The following ARMH4 variants were observed in gnomAD, a reference collection of about 807,000 sequenced individuals.
ARMH4 encodes armadillo like helical domain containing 4.
ARMH4 carries 49 observed loss-of-function variants against 61.9 expected under a neutral mutation model. That is an observed-to-expected ratio of 0.79 (90% CI 0.63 to 1.00). The LOEUF (loss-of-function observed/expected upper bound fraction) is 1.00. Among genes scored for constraint, ARMH4 ranks in the 50% least tolerant of loss-of-function variants. ARMH4 has a pLI of 0.00. For missense variants in ARMH4, 934 were observed against 930.0 expected (o/e 1.00, Z -0.06); for synonymous variants, 368 against 341.5 (o/e 1.08, Z -0.85).
At chr14:58,116,824 C>T (rs906367191) in intron 4 of ARMH4, among the ~76,000 whole-genome samples, 1 of 152,170 alleles carries the variant, frequency 6.6e-6, no homozygotes, top group African/African-American at 2.4e-5. Context: ...GCATTTACTG[C>T]CCACAACAAC....
chr14:58,134,482 G>T (rs1186281699), intron 2 of ARMH4, among the ~76,000 whole-genome samples: 7 of 152,080 alleles, frequency 4.6e-5, no homozygotes, highest in Non-Finnish European at 1.0e-4. Context: ...CTCTTATGAA[G>T]GGGCTATGCT....
chr14:58,014,891 A>T (rs1354529508), intron 5 of ARMH4, among the ~76,000 whole-genome samples: 1 of 152,142 alleles, frequency 6.6e-6, no homozygotes, highest in Non-Finnish European at 1.5e-5. Context: ...GCAATCAGGG[A>T]CTCAGTTGGG....
At chr14:58,009,843 GAT>G (rs1462442798) in intron 6 of ARMH4, among the ~76,000 whole-genome samples, 29 of 137,336 alleles carry the variant, frequency 2.1e-4, no homozygotes, top group Non-Finnish European at 4.1e-4. Context: ...GAGAGAGAGA[GAT>G]AACAAACTTC....
chr14:58,049,103 GTGGCGGGCACCTGT>G (rs1188777692), intron 5 of ARMH4, among the ~76,000 whole-genome samples: 1 of 151,982 alleles, frequency 6.6e-6, no homozygotes, highest in Non-Finnish European at 1.5e-5. Context: ...GCCAGGCGTG[GTGGCGGGCACCTGT>G]AGTCCCAGAT....
intron 5 of ARMH4, among the ~76,000 whole-genome samples, chr14:58,078,660 GT>G (rs1885125634): frequency 6.6e-6 from 1 of 152,222 alleles, no homozygotes; most frequent in Admixed American, 6.5e-5. Context: ...AATATTTTGG[GT>G]TTATGGATCA....
chr14:58,136,977 C>T (rs964514412), intron 2 of ARMH4, among the ~76,000 whole-genome samples: 1 of 151,994 alleles, frequency 6.6e-6, no homozygotes, highest in Non-Finnish European at 1.5e-5. Flanking sequence ...GCAGTACTTA[C>T]CTAAAGCTTT....
At chr14:58,145,757 AG>A (rs1274705731) in intron 1 of ARMH4, among the ~76,000 whole-genome samples, 3 of 152,240 alleles carry the variant, frequency 2.0e-5, no homozygotes, top group Non-Finnish European at 4.4e-5. Flanking sequence ...CCCTTTTCAA[AG>A]GCATTGATGA....
At chr14:58,127,290 G>C (rs955589839) in intron 4 of ARMH4, among the ~76,000 whole-genome samples, 9 of 152,142 alleles carry the variant, frequency 5.9e-5, no homozygotes, top group Non-Finnish European at 1.2e-4. Flanking sequence ...CCAGTGGGAG[G>C]TAACTGAATC....
intron 5 of ARMH4, among the ~76,000 whole-genome samples, chr14:58,021,018 A>AG (rs1402463439): frequency 6.6e-6 from 1 of 152,322 alleles, no homozygotes; most frequent in Middle Eastern, 3.4e-3. Flanking sequence ...CCGAAGGCAG[A>AG]GGGAAAAAAA....
chr14:58,118,421 G>A (rs149585946), intron 4 of ARMH4, among the ~76,000 whole-genome samples: 18 of 150,676 alleles, frequency 1.2e-4, no homozygotes, highest in African/African-American at 3.2e-4. Flanking sequence ...CAGACAGTAC[G>A]TATGCAGGGG....
intron 4 of ARMH4, among the ~76,000 whole-genome samples, chr14:58,111,294 T>C (rs1275360944): frequency 6.6e-6 from 1 of 152,136 alleles, no homozygotes; most frequent in African/African-American, 2.4e-5. Flanking sequence ...TTCAATATAG[T>C]AACTCCTTAA....
intron 5 of ARMH4, among the ~76,000 whole-genome samples, chr14:58,058,989 TAGAA>T (rs1204388752): frequency 1.3e-5 from 2 of 152,122 alleles, no homozygotes; most frequent in Admixed American, 1.3e-4. Context: ...GTCCACAGAA[TAGAA>T]AGAGAGATGT....
intron 5 of ARMH4, among the ~76,000 whole-genome samples, chr14:58,053,176 C>T (rs887436293): frequency 2.6e-5 from 4 of 152,204 alleles, no homozygotes; most frequent in Non-Finnish European, 5.9e-5. Context: ...CTTCTTCACT[C>T]CACTTCCACT....
At chr14:58,042,772 G>A (rs9671615) in intron 5 of ARMH4, among the ~76,000 whole-genome samples, 36,612 of 151,950 alleles carry the variant, frequency 0.24, 4,815 homozygotes, top group Non-Finnish European at 0.3. Flanking sequence ...TATCACCACC[G>A]ATCCCACAGA....
chr14:58,063,409 G>A (rs1232505308), intron 5 of ARMH4, among the ~76,000 whole-genome samples: 1 of 152,114 alleles, frequency 6.6e-6, no homozygotes, highest in Non-Finnish European at 1.5e-5. Context: ...TCTGGGTTGG[G>A]GGAACACAAT....
chr14:58,139,545 G>A, intron 1 of ARMH4, 131 bp from the exon 2 acceptor site: 1 of 613,002 alleles, frequency 1.6e-6, no homozygotes, highest in Admixed American at 3.0e-5. Context: ...GGAGAGGACT[G>A]TTCTATTTCT....
chr14:58,076,077 A>G (rs891482321), intron 5 of ARMH4, among the ~76,000 whole-genome samples: 1 of 138,000 alleles, frequency 7.2e-6, no homozygotes, highest in African/African-American at 2.6e-5. Flanking sequence ...AGAAAGGAGG[A>G]GAAAGAGGAG....
intron 1 of ARMH4, among the ~76,000 whole-genome samples, chr14:58,140,272 T>C (rs1887487756): frequency 1.3e-5 from 1 of 75,680 alleles, no homozygotes; most frequent in Non-Finnish European, 2.6e-5. Context: ...CAAAACTCCA[T>C]CTCAAAAAAA....
At chr14:58,025,979 A>C (rs1177157943) in intron 5 of ARMH4, among the ~76,000 whole-genome samples, 2 of 152,058 alleles carry the variant, frequency 1.3e-5, no homozygotes, top group African/African-American at 4.8e-5. Flanking sequence ...CTCTACTTTC[A>C]AGTAATATTA....
Sources: gnomAD v4.1 joint callset for allele counts (sites outside exome capture counted in the v4.1 genomes callset) on GRCh38, gnomAD v4.1.1 for gene constraint, MANE v1.5 for transcripts, NCBI Gene and HGNC (gene_info 2026-07-23, HGNC 2026-07-21) for gene names.